CRYZL1: variants seen among roughly 807,000 people sequenced by gnomAD.
CRYZL1 encodes ferry endosomal RAB5 effector complex subunit 4.
In CRYZL1, 34 loss-of-function variants were observed where a neutral mutation model predicts 50.6. The observed-to-expected ratio is 0.67, with a 90% CI of 0.51 to 0.89. The LOEUF is 0.89. CRYZL1 is among the 40% of genes least tolerant of loss of function. The pLI is 0.00. For synonymous variants in CRYZL1, 125 were observed against 134.3 expected, an observed-to-expected ratio of 0.93 and a Z score of 0.48; for missense variants, 354 against 402.3, an observed-to-expected ratio of 0.88 and a Z score of 1.03.
chr21:33,640,001 T>C, intron 1 of CRYZL1: 1 of 601,060 alleles, frequency 1.7e-6, no homozygotes, highest in Non-Finnish European at 2.7e-6. Context: ...AATTTCTGTA[T>C]TTTTAGTAGA....
intron 5 of CRYZL1, among the ~76,000 whole-genome samples, chr21:33,614,009 A>T (rs2086900741): frequency 6.6e-6 from 1 of 151,812 alleles, no homozygotes; most frequent in African/African-American, 2.4e-5. Context: ...TGTCTCTACT[A>T]AAAATATAAA....
intron 2 of CRYZL1, among the ~76,000 whole-genome samples, chr21:33,625,158 A>G (rs951781995): frequency 1.4e-5 from 2 of 143,500 alleles, no homozygotes; most frequent in Admixed American, 1.4e-4. Flanking sequence ...ACCTTTACTG[A>G]TTTTTTTTTT....
At chr21:33,618,072 G>C (rs867276640) in intron 4 of CRYZL1, among the ~76,000 whole-genome samples, 2 of 151,988 alleles carry the variant, frequency 1.3e-5, no homozygotes, top group African/African-American at 2.4e-5. Flanking sequence ...GGTGGATCAC[G>C]AGGTCAGGAG....
chr21:33,602,476 T>C (rs1409429314), intron 7 of CRYZL1, 131 bp from the exon 8 acceptor site: 7 of 442,542 alleles, frequency 1.6e-5, no homozygotes, highest in Non-Finnish European at 2.8e-5. Context: ...TGTTATCTAA[T>C]AGGAAAAGAG....
intron 8 of CRYZL1, 23 bp from the exon 9 acceptor site, chr21:33,599,271 C>G: frequency 1.2e-6 from 2 of 1,613,550 alleles, no homozygotes; most frequent in Non-Finnish European, 1.7e-6. Flanking sequence ...GGAAATCAGG[C>G]AATTGTACTG....
chr21:33,618,288 CAA>C (rs35810127), intron 4 of CRYZL1, among the ~76,000 whole-genome samples: 2 of 91,262 alleles, frequency 2.2e-5, no homozygotes, highest in Non-Finnish European at 4.1e-5. Flanking sequence ...GACTCCGTCT[CAA>C]AAAAAAAAAA....
Position 33,589,770 on chromosome 21 carries a change from G to C in CRYZL1, c.*52C>G, listed in dbSNP as rs1206126959. On this transcript the variant is annotated 3_prime_UTR_variant, in exon 13 of 13. Coordinates refer to ENST00000381554, the MANE Select transcript of CRYZL1 (RefSeq NM_145858.3). Reference sequence around the variant, plus strand: ...TCAACAATTTCCAAAGAAAATTCTGGCTTCAAATACTGGAATATGTTCATC... The same window carrying C: ...TCAACAATTTCCAAAGAAAATTCTGCCTTCAAATACTGGAATATGTTCATC... The C allele has an allele frequency of 1.7e-6, 2 of 1,172,210 alleles. No homozygotes were observed. The highest frequency in any genetic ancestry group is 2.5e-6 in the Non-Finnish European group (2 of 799,420). The allele number at this position is 1,172,210 out of a possible 1,614,324, so 72.6% of individuals were successfully genotyped here. A position where few individuals can be genotyped will look rare whatever the true frequency, so the allele number is the denominator to read the frequency against.
At position 33,589,490 on chromosome 21, in the gene CRYZL1, C is replaced by A. The variant is rs1383132603; in HGVS notation, c.*332G>T. The A allele has an allele frequency of 2.4e-6, 1 of 424,004 alleles. No individual in the cohort carries two copies. Among genetic ancestry groups the A allele is most frequent in the African/African-American group, 2.1e-5 (1 of 48,726 alleles). 26.3% of individuals were successfully genotyped at this position (424,004 alleles called of 1,614,324 possible). ...ATAGCTTAGCAAAGGCCTGCAACAG[C>A]TTTTATCAAGAGTAGTGTGACTTTT... On this transcript the variant is annotated 3_prime_UTR_variant, in exon 13 of 13. Transcript: ENST00000381554.
rs35493080 is a variant in CRYZL1 at position 33,622,967 on chromosome 21, A to AT, written c.145-900dup. ...GGGTGTTTTACAGTGTTTCTTTTCT[A>AT]TTTTTTTTTTTTTTTTCAGATGGAG... is the stretch of plus-strand genomic sequence containing the variant. On this transcript the variant is annotated intron_variant, in intron 3 of 12. Coordinates refer to ENST00000381554, the MANE Select transcript of CRYZL1 (RefSeq NM_145858.3). Among the ~76,000 whole-genome samples, 723 of 117,432 alleles carry AT rather than the reference A, an allele frequency of 6.2e-3. 4 individuals are homozygous for AT. The highest frequency in any genetic ancestry group is 0.018 in the South Asian group (65 of 3,632). The allele number at this position is 117,432 out of a possible 152,430, so 77.0% of individuals were successfully genotyped here.
chr21:33,616,162 A>G (rs2086929531), intron 5 of CRYZL1: 1 of 150,782 alleles, frequency 6.6e-6, no homozygotes, highest in South Asian at 2.1e-4. Context: ...CCCACCTATG[A>G]GTGAGAATAT....
chr21:33,603,214 A>G (rs2086774121), intron 7 of CRYZL1, 190 bp downstream of exon 7: 1 of 594,878 alleles, frequency 1.7e-6, no homozygotes, highest in African/African-American at 1.8e-5. Flanking sequence ...GTCATAAACT[A>G]ATCACACTAA....
intron 6 of CRYZL1, among the ~76,000 whole-genome samples, chr21:33,613,066 CCTGCCCACCTTGGCCTCCCAAAGTG>C (rs1243299776): frequency 6.6e-6 from 1 of 152,128 alleles, no homozygotes; most frequent in Non-Finnish European, 1.5e-5. Context: ...CCTCAGGTGA[CCTGCCCACCTTGGCCTCCCAAAGTG>C]CTGGGATTAC....
intron 4 of CRYZL1, among the ~76,000 whole-genome samples, chr21:33,618,426 A>T (rs770098938): frequency 5.3e-5 from 8 of 152,316 alleles, no homozygotes; most frequent in Non-Finnish European, 8.8e-5. Flanking sequence ...AAAAAACTCC[A>T]AATATTGTTG....
At chr21:33,595,546 T>C (rs2086685122) in intron 11 of CRYZL1, 185 bp downstream of exon 11, 1 of 1,258,134 alleles carries the variant, frequency 7.9e-7, no homozygotes, top group Non-Finnish European at 1.1e-6. Flanking sequence ...ATGGGGATGA[T>C]AACAGTACTT....
chr21:33,628,305 T>C (rs2087093380), intron 2 of CRYZL1, among the ~76,000 whole-genome samples: 2 of 152,212 alleles, frequency 1.3e-5, no homozygotes, highest in Admixed American at 6.5e-5. Context: ...GAGTCTTTTG[T>C]GGTTCCATAT....
At chr21:33,598,806 G>GTTT (rs775141021) in intron 9 of CRYZL1, among the ~76,000 whole-genome samples, 2 of 125,682 alleles carry the variant, frequency 1.6e-5, no homozygotes, top group East Asian at 2.3e-4. Flanking sequence ...ACATTTTTGA[G>GTTT]TTTTTTTTTT....
In CRYZL1 at chr21:33,595,713, A is replaced by G; in HGVS notation, c.904+18T>C. On this transcript the variant is annotated intron_variant, in intron 11 of 12. Transcript: ENST00000381554. ...CAAAGTTCAAGCCAGAAACTCAATC[A>G]GTCGATAAAAAGGATATAAAGATAT... The G allele has an allele frequency of 6.2e-7, 1 of 1,611,920 alleles. No homozygotes were observed. The highest frequency in any genetic ancestry group is 8.5e-7 in the Non-Finnish European group (1 of 1,178,038).
At chr21:33,612,776 C>T (rs770651180) in intron 6 of CRYZL1, among the ~76,000 whole-genome samples, 2 of 152,106 alleles carry the variant, frequency 1.3e-5, no homozygotes, top group Admixed American at 1.3e-4. Context: ...AAATTAAAAA[C>T]GAATATTTCA....
At position 33,595,735 on chromosome 21, in the gene CRYZL1, A is replaced by T; in HGVS notation, c.900T>A (p.Tyr300Ter). The T allele has an allele frequency of 6.2e-7, 1 of 1,613,166 alleles. No homozygotes were observed. Among genetic ancestry groups the T allele is most frequent in the Non-Finnish European group, 8.5e-7 (1 of 1,179,092 alleles). ...ATCAGTCGATAAAAAGGATATAAAGATATTTTCCCTGTTGTACATTTGACA... is the reference window on the plus strand; with the variant it reads ...ATCAGTCGATAAAAAGGATATAAAGTTATTTTCCCTGTTGTACATTTGACA... ...WNLSNVQQGKYLCILKDVMEK... is the reference protein window; with the variant it reads ...WNLSNVQQGK The change falls in exon 11 of 13, where the codon TAT becomes TAA. Residue 300 changes from tyrosine to a stop codon, truncating the protein, a stop_gained. Transcript: ENST00000381554. LOFTEE classifies it high-confidence loss of function.
Sources: gnomAD v4.1 joint callset for allele counts (sites outside exome capture counted in the v4.1 genomes callset) on GRCh38, gnomAD v4.1.1 for gene constraint, MANE v1.5 for transcripts, NCBI Gene and HGNC (gene_info 2026-07-23, HGNC 2026-07-21) for gene names.